SLC4A1AP: variants seen among roughly 807,000 people sequenced by gnomAD.
SLC4A1AP encodes solute carrier family 4 member 1 adaptor protein, also known as kanadaptin.
Under a neutral mutation model 89.7 loss-of-function variants are expected in SLC4A1AP, and 64 were observed. The ratio of observed to expected loss-of-function variants is 0.71; its 90% confidence interval spans 0.58 to 0.88. The LOEUF (loss-of-function observed/expected upper bound fraction) is 0.88, where lower values mean the gene tolerates loss of function less well. Ranked by LOEUF, SLC4A1AP falls within the 40% of genes least tolerant of loss-of-function variation. The pLI, the probability that SLC4A1AP is intolerant of heterozygous loss-of-function variation, is 0.00. For synonymous variants in SLC4A1AP, 366 were observed against 353.3 expected (o/e 1.04, Z -0.40); for missense variants, 931 against 965.0 (o/e 0.96, Z 0.47).
intron 5 of SLC4A1AP, among the ~76,000 whole-genome samples, chr2:27,670,932 T>G (rs1036716572): frequency 6.8e-6 from 1 of 146,238 alleles, no homozygotes. Flanking sequence ...CTTTTTTTTT[T>G]TTTTTTTTTG....
chr2:27,670,729 C>T (rs1675412379), intron 5 of SLC4A1AP, among the ~76,000 whole-genome samples: 1 of 151,618 alleles, frequency 6.6e-6, no homozygotes, highest in Admixed American at 6.6e-5. Flanking sequence ...GGTGTGGTGG[C>T]AGGTGCCTGT....
intron 4 of SLC4A1AP, 126 bp downstream of exon 4, chr2:27,669,029 T>G: frequency 9.0e-7 from 1 of 1,116,890 alleles, no homozygotes; most frequent in Non-Finnish European, 1.3e-6. Flanking sequence ...AATTTGAGCC[T>G]TTATCGTTTA....
At chr2:27,683,183 A>C (rs967322364) in intron 9 of SLC4A1AP, among the ~76,000 whole-genome samples, 1 of 152,252 alleles carries the variant, frequency 6.6e-6, no homozygotes, top group South Asian at 2.1e-4. Context: ...CTAAGCTGGT[A>C]ATCAGATCCA....
At chr2:27,692,742 CCTT>C (rs1169366252) in intron 12 of SLC4A1AP, 1 of 151,678 alleles carries the variant, frequency 6.6e-6, no homozygotes, top group Non-Finnish European at 1.5e-5. Flanking sequence ...TATATAATAG[CCTT>C]CTTTGTCTTT....
chr2:27,678,016 A>G (rs1173032080), intron 8 of SLC4A1AP, 92 bp downstream of exon 8: 18 of 869,938 alleles, frequency 2.1e-5, no homozygotes, highest in African/African-American at 3.5e-5. Flanking sequence ...TAATCATTAT[A>G]TAATACAAAT....
chr2:27,666,850 A>C (rs1675335579), intron 2 of SLC4A1AP, among the ~76,000 whole-genome samples: 4 of 120,592 alleles, frequency 3.3e-5, no homozygotes, highest in Non-Finnish European at 6.7e-5. Flanking sequence ...TTCATCACAG[A>C]TAAACTATAT....
exon 5 of SLC4A1AP, chr2:27,669,300 T>C (rs1370620745): frequency 6.2e-7 from 1 of 1,613,018 alleles, no homozygotes; most frequent in Non-Finnish European, 8.5e-7. Context: ...GGCCATTCAC[T>C]CAGGAAAGAA....
At chr2:27,691,877 A>T (rs2148142092) in intron 12 of SLC4A1AP, 1 of 152,262 alleles carries the variant, frequency 6.6e-6, no homozygotes, top group South Asian at 2.1e-4. Context: ...GGTATGAGCC[A>T]CCGCGCCCAG....
At chr2:27,664,398 A>T (rs1372491520) in exon 1 of SLC4A1AP, 2 of 1,614,238 alleles carry the variant, frequency 1.2e-6, no homozygotes, top group Middle Eastern at 3.3e-4. Flanking sequence ...GCTGCAGCAC[A>T]GGGCGTCCGG....
At position 27,685,279 on chromosome 2, in the gene SLC4A1AP, T is replaced by G; in HGVS notation, c.2116+2T>G. ...ATTTTAAAGAAACCCAAACCCATGG[T>G]AATATCTTTCTTCTCCTTCCTGTGT... On this transcript the variant is annotated splice_donor_variant, in intron 10 of 13. Coordinates refer to ENST00000613058, the Ensembl canonical transcript of SLC4A1AP. LOFTEE classifies it high-confidence loss of function. 1 of 1,602,446 alleles carries G rather than the reference T, an allele frequency of 6.2e-7. No homozygotes were observed. Among genetic ancestry groups the G allele is most frequent in the Non-Finnish European group, 8.5e-7 (1 of 1,176,304 alleles).
At chr2:27,682,200 C>T in intron 8 of SLC4A1AP, 48 bp from the exon 9 acceptor site, 1 of 1,257,868 alleles carries the variant, frequency 7.9e-7, no homozygotes. Context: ...TTAGATAAAA[C>T]CTTGGGACTC....
intron 8 of SLC4A1AP, among the ~76,000 whole-genome samples, chr2:27,679,483 T>G (rs756482568): frequency 6.6e-6 from 1 of 152,102 alleles, no homozygotes; most frequent in Non-Finnish European, 1.5e-5. Flanking sequence ...GTGCCTGTAG[T>G]CCCAGCTACT....
At chr2:27,682,854 A>G (rs915683183) in intron 9 of SLC4A1AP, among the ~76,000 whole-genome samples, 6 of 152,198 alleles carry the variant, frequency 3.9e-5, no homozygotes, top group South Asian at 2.1e-4. Context: ...GCTTAGGGTT[A>G]TCAAGAATTG....
At chr2:27,680,023 C>A (rs1675594140) in intron 8 of SLC4A1AP, among the ~76,000 whole-genome samples, 1 of 152,056 alleles carries the variant, frequency 6.6e-6, no homozygotes, top group Non-Finnish European at 1.5e-5. Context: ...ATACCCTGTC[C>A]CCCCAACCCT....
At chr2:27,669,928 A>C (rs935035829) in intron 5 of SLC4A1AP, among the ~76,000 whole-genome samples, 2 of 152,138 alleles carry the variant, frequency 1.3e-5, no homozygotes, top group Non-Finnish European at 2.9e-5. Context: ...CAATGGCGCA[A>C]TCTCACCTCA....
At chr2:27,677,170 A>G in intron 6 of SLC4A1AP, 125 bp from the exon 7 acceptor site, 1 of 720,678 alleles carries the variant, frequency 1.4e-6, no homozygotes. Context: ...CTCCATAAGT[A>G]GCAGTTTAAC....
intron 2 of SLC4A1AP, 52 bp from the exon 3 acceptor site, chr2:27,667,216 A>G: frequency 1.3e-6 from 2 of 1,568,438 alleles, no homozygotes; most frequent in Non-Finnish European, 8.6e-7. Context: ...TATCATTCAA[A>G]TAGTCTCTTC....
At chr2:27,676,282 C>T (rs60101052) in intron 6 of SLC4A1AP, among the ~76,000 whole-genome samples, 2 of 152,262 alleles carry the variant, frequency 1.3e-5, no homozygotes, top group East Asian at 3.9e-4. Flanking sequence ...ATCAATCCTA[C>T]GACATCTGTC....
At chr2:27,668,273 C>G (rs1675365912) in intron 3 of SLC4A1AP, among the ~76,000 whole-genome samples, 1 of 152,038 alleles carries the variant, frequency 6.6e-6, no homozygotes, top group African/African-American at 2.4e-5. Context: ...GTCAGCCTCC[C>G]GAGTAGCTGG....
Sources: gnomAD v4.1 joint callset for allele counts (sites outside exome capture counted in the v4.1 genomes callset) on GRCh38, gnomAD v4.1.1 for gene constraint, MANE v1.5 for transcripts, NCBI Gene and HGNC (gene_info 2026-07-23, HGNC 2026-07-21) for gene names.